GPR39: variants seen among roughly 807,000 people sequenced by gnomAD.
GPR39 encodes the protein zinc sensing receptor.
In GPR39, 23 loss-of-function variants were observed where a neutral mutation model predicts 18.4. That is an observed-to-expected ratio of 1.25 (90% CI 0.90 to 1.77). The LOEUF is 1.77. Ranked by LOEUF, GPR39 falls within the 40% of genes most tolerant of loss-of-function variation. GPR39 has a pLI of 0.00. For missense variants in GPR39, 647 were observed against 602.4 expected (o/e 1.07, Z -0.78); for synonymous variants, 280 against 257.9 (o/e 1.09, Z -0.82).
At chr2:132,477,384 T>C (rs1178606516) in intron 1 of GPR39, among the ~76,000 whole-genome samples, 1 of 152,028 alleles carries the variant, frequency 6.6e-6, no homozygotes, top group Non-Finnish European at 1.5e-5. Flanking sequence ...CTGAGCAACA[T>C]AGTGATATCC....
At chr2:132,600,251 G>A (rs897008503) in intron 1 of GPR39, among the ~76,000 whole-genome samples, 2 of 152,160 alleles carry the variant, frequency 1.3e-5, no homozygotes, top group Non-Finnish European at 2.9e-5. Context: ...TGCAAAAACA[G>A]TGGTAAGAGG....
intron 1 of GPR39, among the ~76,000 whole-genome samples, chr2:132,553,433 T>C (rs144899469): frequency 2.7e-5 from 4 of 150,848 alleles, no homozygotes; most frequent in African/African-American, 7.3e-5. Flanking sequence ...AATATATACA[T>C]ATATATATAT....
intron 1 of GPR39, among the ~76,000 whole-genome samples, chr2:132,564,234 A>G (rs1412934792): frequency 6.6e-6 from 1 of 151,930 alleles, no homozygotes; most frequent in Admixed American, 6.6e-5. Context: ...TACACATTAA[A>G]CCCTTTGATA....
chr2:132,631,404 A>G (rs1681647843), intron 1 of GPR39, among the ~76,000 whole-genome samples: 1 of 152,152 alleles, frequency 6.6e-6, no homozygotes, highest in Non-Finnish European at 1.5e-5. Context: ...TGCAACAGCA[A>G]TTTCATTTTC....
At chr2:132,438,383 C>T (rs566358405) in intron 1 of GPR39, among the ~76,000 whole-genome samples, 66 of 152,124 alleles carry the variant, frequency 4.3e-4, no homozygotes, top group Non-Finnish European at 7.9e-4. Flanking sequence ...ATCCTCCTGT[C>T]TTAGCTTCCC....
intron 1 of GPR39, among the ~76,000 whole-genome samples, chr2:132,422,533 T>C (rs2104753509): frequency 6.6e-6 from 1 of 152,000 alleles, no homozygotes; most frequent in Non-Finnish European, 1.5e-5. Context: ...GTTTTCATCA[T>C]TAGTTTTCTT....
chr2:132,465,946 A>G (rs1680920159), intron 1 of GPR39, among the ~76,000 whole-genome samples: 1 of 152,220 alleles, frequency 6.6e-6, no homozygotes, highest in African/African-American at 2.4e-5. Context: ...ATTTTTGCTT[A>G]TATGTATAGT....
intron 1 of GPR39, among the ~76,000 whole-genome samples, chr2:132,426,766 C>G (rs185158584): frequency 6.6e-6 from 1 of 152,166 alleles, no homozygotes; most frequent in Admixed American, 6.5e-5. Context: ...CTTTGCACAC[C>G]GCAAAGGTGG....
chr2:132,431,983 A>G (rs10200766), intron 1 of GPR39, among the ~76,000 whole-genome samples: 1 of 152,058 alleles, frequency 6.6e-6, no homozygotes, highest in African/African-American at 2.4e-5. Flanking sequence ...CACTCTTTCA[A>G]CCTTCCAGTT....
intron 1 of GPR39, among the ~76,000 whole-genome samples, chr2:132,453,285 A>T (rs1182654822): frequency 6.6e-6 from 1 of 152,204 alleles, no homozygotes; most frequent in Admixed American, 6.5e-5. Flanking sequence ...TCTTCTTTTG[A>T]GAAGTGTCTG....
At chr2:132,627,497 A>G (rs955014103) in intron 1 of GPR39, among the ~76,000 whole-genome samples, 5 of 152,206 alleles carry the variant, frequency 3.3e-5, no homozygotes, top group Admixed American at 2.6e-4. Context: ...ATGCCGAGTA[A>G]TGATGTACAG....
rs1681586296 is a variant in GPR39, at chr2:132,493,949, A to C, written c.856+76051A>C. Among the ~76,000 whole-genome samples the C allele has an allele frequency of 2.0e-5, 3 of 152,050 alleles. No homozygotes were observed. The South Asian group carries it at 6.2e-4, about 32-fold the overall frequency. On this transcript the variant is annotated intron_variant, in intron 1 of 1. Transcript: ENST00000329321. Reference sequence around the variant, plus strand: ...GATCAATAGTAATAAATACACCAAAAACTTCCGATCAACTAAAGACTGAAA... The same window carrying C: ...GATCAATAGTAATAAATACACCAAACACTTCCGATCAACTAAAGACTGAAA...
intron 1 of GPR39, among the ~76,000 whole-genome samples, chr2:132,643,860 G>A (rs1681923833): frequency 6.6e-6 from 1 of 152,210 alleles, no homozygotes; most frequent in Non-Finnish European, 1.5e-5. Flanking sequence ...TCATAGGCAG[G>A]AAGCATTCAT....
At chr2:132,621,157 C>T (rs1378513631) in intron 1 of GPR39, among the ~76,000 whole-genome samples, 1 of 152,206 alleles carries the variant, frequency 6.6e-6, no homozygotes, top group Non-Finnish European at 1.5e-5. Flanking sequence ...GCTTCCCTGG[C>T]TTCAGCCACC....
chr2:132,423,087 T>C (rs1009487295), intron 1 of GPR39, among the ~76,000 whole-genome samples: 3 of 151,992 alleles, frequency 2.0e-5, no homozygotes, highest in Non-Finnish European at 2.9e-5. Context: ...GGTCTACCAT[T>C]TGGAGGACAC....
chr2:132,638,545 C>T (rs1681805917), intron 1 of GPR39, among the ~76,000 whole-genome samples: 1 of 152,156 alleles, frequency 6.6e-6, no homozygotes, highest in African/African-American at 2.4e-5. Flanking sequence ...AGGGAACACT[C>T]CTTTGAGAAT....
intron 1 of GPR39, among the ~76,000 whole-genome samples, chr2:132,469,476 G>A (rs1680990045): frequency 6.6e-6 from 1 of 152,214 alleles, no homozygotes; most frequent in Non-Finnish European, 1.5e-5. Context: ...TGCCTCTGCA[G>A]GCCATGTGTA....
intron 1 of GPR39, among the ~76,000 whole-genome samples, chr2:132,454,887 A>G (rs1558803158): frequency 6.6e-6 from 1 of 152,170 alleles, no homozygotes; most frequent in Non-Finnish European, 1.5e-5. Flanking sequence ...GTTTGCCAGT[A>G]TTATATTGAG....
At chr2:132,513,104 C>T (rs1260403736) in intron 1 of GPR39, among the ~76,000 whole-genome samples, 1 of 152,172 alleles carries the variant, frequency 6.6e-6, no homozygotes, top group Non-Finnish European at 1.5e-5. Context: ...GGCTGCACTA[C>T]ATGTGGTCTC....
Sources: gnomAD v4.1 joint callset for allele counts (sites outside exome capture counted in the v4.1 genomes callset) on GRCh38, gnomAD v4.1.1 for gene constraint, MANE v1.5 for transcripts, NCBI Gene and HGNC (gene_info 2026-07-23, HGNC 2026-07-21) for gene names.